The following UEVLD variants were observed in gnomAD, a reference collection of about 807,000 sequenced individuals.
UEVLD encodes ubiquitin-conjugating enzyme E2 variant 3.
In UEVLD, 47 loss-of-function variants were observed where a neutral mutation model predicts 58.6. The ratio of observed to expected loss-of-function variants is 0.80; its 90% CI spans 0.63 to 1.02. UEVLD has a LOEUF of 1.02. Among genes scored for constraint, UEVLD ranks in the 50% least tolerant of loss-of-function variants. UEVLD has a pLI of 0.00. For synonymous variants in UEVLD, 197 were observed against 195.3 expected, an observed-to-expected ratio of 1.01 and a Z score of -0.07; for missense variants, 510 against 550.6, an observed-to-expected ratio of 0.93 and a Z score of 0.74.
intron 1 of UEVLD, among the ~76,000 whole-genome samples, chr11:18,582,968 G>T (rs945378881): frequency 1.3e-5 from 2 of 152,146 alleles, no homozygotes; most frequent in African/African-American, 2.4e-5. Flanking sequence ...TGTCGCCCAG[G>T]CTGGAGTGCA....
chr11:18,575,208 G>T, intron 3 of UEVLD, 139 bp downstream of exon 3: 1 of 837,434 alleles, frequency 1.2e-6, no homozygotes, highest in East Asian at 2.6e-5. Flanking sequence ...TTCCTTGACT[G>T]GAACAGATCC....
chr11:18,565,558 G>A (rs1852253391), intron 5 of UEVLD, among the ~76,000 whole-genome samples: 1 of 152,200 alleles, frequency 6.6e-6, no homozygotes, highest in South Asian at 2.1e-4. Flanking sequence ...GCCAGGCCCG[G>A]TGGCTCATGC....
intron 6 of UEVLD, among the ~76,000 whole-genome samples, chr11:18,561,744 T>A (rs1260983154): frequency 6.7e-6 from 1 of 150,240 alleles, no homozygotes; most frequent in Admixed American, 6.7e-5. Context: ...GGAAGGAGAA[T>A]CACTTGAACC....
chr11:18,571,456 C>T (rs543131499), intron 3 of UEVLD, among the ~76,000 whole-genome samples: 1 of 152,264 alleles, frequency 6.6e-6, no homozygotes, highest in Admixed American at 6.5e-5. Context: ...TTTAACAGCC[C>T]ATGACTGGCA....
At chr11:18,570,123 G>T in intron 4 of UEVLD, 91 bp downstream of exon 4, 1 of 1,270,058 alleles carries the variant, frequency 7.9e-7, no homozygotes. Flanking sequence ...GAAAGAAAAT[G>T]CAGTATCATA....
At chr11:18,533,725 C>T (rs1035012187) in intron 11 of UEVLD, among the ~76,000 whole-genome samples, 7 of 152,182 alleles carry the variant, frequency 4.6e-5, no homozygotes, top group Non-Finnish European at 7.3e-5. Flanking sequence ...GACTGAGTCT[C>T]GCTGTGTCAC....
At chr11:18,540,028 C>T (rs961897332) in intron 9 of UEVLD, among the ~76,000 whole-genome samples, 1 of 152,162 alleles carries the variant, frequency 6.6e-6, no homozygotes, top group African/African-American at 2.4e-5. Context: ...TATTCATCAC[C>T]ATCTTGCCAA....
Position 18,588,685 on chromosome 11 carries a change from A to T in UEVLD, c.-31T>A. 2 of 1,603,670 alleles carry T rather than the reference A, an allele frequency of 1.2e-6. No homozygotes were observed. The highest frequency in any genetic ancestry group is 1.7e-6 in the Non-Finnish European group (2 of 1,178,710). ...GGCCGGTCCCGAGCTAGGTCCCAGGACTCCAGCCCCCGGACCTTCTTCCGG... is the reference window on the plus strand; with the variant it reads ...GGCCGGTCCCGAGCTAGGTCCCAGGTCTCCAGCCCCCGGACCTTCTTCCGG... On this transcript the variant is annotated 5_prime_UTR_variant, in exon 1 of 12. Transcript: ENST00000396197.
At chr11:18,564,407 G>A (rs1287704516) in intron 6 of UEVLD, among the ~76,000 whole-genome samples, 2 of 151,842 alleles carry the variant, frequency 1.3e-5, no homozygotes, top group African/African-American at 4.8e-5. Context: ...AAGCTTTCCT[G>A]CAAACAATTT....
intron 1 of UEVLD, among the ~76,000 whole-genome samples, chr11:18,584,861 G>A (rs948226535): frequency 1.3e-5 from 2 of 152,108 alleles, no homozygotes; most frequent in African/African-American, 4.8e-5. Flanking sequence ...TTGAATTCCT[G>A]ACCTCGTGAT....
In UEVLD at chr11:18,557,140, GTTTTGT is replaced by G. The variant is rs935923202; in HGVS notation, c.715+1082_715+1087del. 1.2e-3 allele frequency among the ~76,000 whole-genome samples: 183 copies of G among 150,084 alleles called. 1 individual carries two copies. Among genetic ancestry groups the G allele is most frequent in the Non-Finnish European group, 1.5e-3 (103 of 67,552 alleles). On this transcript the variant is annotated intron_variant, in intron 7 of 11. Coordinates refer to ENST00000396197, the MANE Select transcript of UEVLD (RefSeq NM_001040697.4). The stretch of plus-strand genomic sequence containing the variant: ...AGATAGAAAATTTAACATTTCAAAC[GTTTTGT>G]TTTTGTTTTTGTTTTTGTTTTTTTG...
At chr11:18,547,121 G>A in intron 7 of UEVLD, 71 bp from the exon 8 acceptor site, 2 of 1,491,182 alleles carry the variant, frequency 1.3e-6, no homozygotes, top group East Asian at 2.3e-5. Flanking sequence ...ACGATTAAAA[G>A]GTTGTTCTTT....
chr11:18,579,548 C>T, intron 1 of UEVLD: 3 of 954,052 alleles, frequency 3.1e-6, no homozygotes, highest in Non-Finnish European at 3.7e-6. Context: ...CTCCCACCTT[C>T]CTGGCACTGC....
intron 4 of UEVLD, 45 bp downstream of exon 4, chr11:18,570,167 TTA>T: frequency 1.4e-6 from 2 of 1,461,030 alleles, no homozygotes; most frequent in Non-Finnish European, 1.8e-6. Context: ...TGATAGGTAT[TTA>T]AAAAAAAAAA....
At chr11:18,572,366 A>G (rs1399772321) in intron 3 of UEVLD, among the ~76,000 whole-genome samples, 1 of 152,252 alleles carries the variant, frequency 6.6e-6, no homozygotes, top group African/African-American at 2.4e-5. Context: ...AGAGGTAAAC[A>G]TAAGGTAATA....
intron 8 of UEVLD, 46 bp downstream of exon 8, chr11:18,546,834 A>G (rs746898604): frequency 2.5e-6 from 4 of 1,595,490 alleles, no homozygotes; most frequent in Non-Finnish European, 3.4e-6. Flanking sequence ...TGGCAATTCT[A>G]CTGATGTACT....
intron 4 of UEVLD, among the ~76,000 whole-genome samples, chr11:18,568,413 A>G (rs1852405061): frequency 6.6e-6 from 1 of 152,224 alleles, no homozygotes; most frequent in Non-Finnish European, 1.5e-5. Context: ...GGGTGTAACA[A>G]TGGATGGAGG....
intron 2 of UEVLD, among the ~76,000 whole-genome samples, chr11:18,575,813 T>C (rs1335475689): frequency 1.3e-5 from 2 of 151,266 alleles, no homozygotes; most frequent in African/African-American, 2.4e-5. Context: ...AGAAGTACTA[T>C]AATATGTGGG....
chr11:18,587,718 G>C (rs775841376), intron 1 of UEVLD: 4 of 152,072 alleles, frequency 2.6e-5, no homozygotes, highest in Non-Finnish European at 5.9e-5. Context: ...ACGAGAATCG[G>C]CTTGAACCCG....
Sources: gnomAD v4.1 joint callset for allele counts (sites outside exome capture counted in the v4.1 genomes callset) on GRCh38, gnomAD v4.1.1 for gene constraint, MANE v1.5 for transcripts, NCBI Gene and HGNC (gene_info 2026-07-23, HGNC 2026-07-21) for gene names.